Variants in SCHIP1 observed in about 807,000 individuals in gnomAD.
The protein encoded by SCHIP1 is schwannomin interacting protein 1, also known as schwannomin-interacting protein 1.
In SCHIP1, 8 loss-of-function variants were observed where a neutral mutation model predicts 29.7. The ratio of observed to expected loss-of-function variants is 0.27; its 90% CI spans 0.16 to 0.49. SCHIP1 has a LOEUF of 0.49. Among genes scored for constraint, SCHIP1 ranks in the 20% least tolerant of loss-of-function variants. SCHIP1 has a pLI of 0.99. For synonymous variants in SCHIP1, 76 were observed against 94.9 expected, an observed-to-expected ratio of 0.80 and a Z score of 1.16; for missense variants, 193 against 294.6, an observed-to-expected ratio of 0.66 and a Z score of 2.52.
At chr3:159,757,185 G>T in the SCHIP1 span, among the ~76,000 whole-genome samples, 1 of 152,186 alleles carries the variant, frequency 6.6e-6, no homozygotes, top group African/African-American at 2.4e-5. Flanking sequence ...ACATACCCAA[G>T]ACTGGGCAAT....
the SCHIP1 span, among the ~76,000 whole-genome samples, chr3:159,758,655 T>G: frequency 6.6e-6 from 1 of 152,352 alleles, no homozygotes; most frequent in South Asian, 2.1e-4. Context: ...ATGGAATTCT[T>G]GCAGAGATTC....
At chr3:159,394,381 C>T in the SCHIP1 span, among the ~76,000 whole-genome samples, 1 of 152,052 alleles carries the variant, frequency 6.6e-6, no homozygotes, top group Non-Finnish European at 1.5e-5. Context: ...GAGGGCATCC[C>T]TGTCTTGTGC....
chr3:159,888,235 G>T (rs1321521664), intron 4 of SCHIP1: 13 of 331,890 alleles, frequency 3.9e-5, no homozygotes, highest in Non-Finnish European at 6.7e-5. Context: ...ACTTACTATT[G>T]CTATAATTGT....
chr3:159,698,766 G>C, the SCHIP1 span, among the ~76,000 whole-genome samples: 1 of 152,040 alleles, frequency 6.6e-6, no homozygotes, highest in Non-Finnish European at 1.5e-5. Context: ...AGTCTCCCGA[G>C]TAGCTGGGAT....
At chr3:159,383,584 A>G in the SCHIP1 span, among the ~76,000 whole-genome samples, 26 of 146,652 alleles carry the variant, frequency 1.8e-4, no homozygotes, top group East Asian at 1.6e-3. Context: ...TTGACTTGGC[A>G]ATGCGGGCTC....
At chr3:159,593,730 G>A in the SCHIP1 span, among the ~76,000 whole-genome samples, 1 of 152,150 alleles carries the variant, frequency 6.6e-6, no homozygotes, top group Non-Finnish European at 1.5e-5. Context: ...AGAAGAAGGG[G>A]ACCATGTTTG....
chr3:159,550,527 C>T, the SCHIP1 span, among the ~76,000 whole-genome samples: 1 of 151,886 alleles, frequency 6.6e-6, no homozygotes, highest in Non-Finnish European at 1.5e-5. Context: ...GTCGAGTAGC[C>T]CAGCTTTCTT....
At chr3:159,363,257 A>G in the SCHIP1 span, among the ~76,000 whole-genome samples, 54,627 of 146,810 alleles carry the variant, frequency 0.37, 11,252 homozygotes, top group East Asian at 0.49. Context: ...TAAGTAAAGC[A>G]TTTTAATAAG....
the SCHIP1 span, among the ~76,000 whole-genome samples, chr3:159,567,667 C>A: frequency 7.2e-5 from 11 of 152,238 alleles, no homozygotes; most frequent in Non-Finnish European, 1.5e-4. Context: ...ATCTTAATTG[C>A]TATAGCTTTA....
the SCHIP1 span, among the ~76,000 whole-genome samples, chr3:159,633,079 G>A: frequency 6.6e-6 from 1 of 152,118 alleles, no homozygotes; most frequent in South Asian, 2.1e-4. Context: ...ACCACACCCT[G>A]AAATTCCACA....
At chr3:159,784,111 G>A in the SCHIP1 span, among the ~76,000 whole-genome samples, 13 of 152,194 alleles carry the variant, frequency 8.5e-5, no homozygotes, top group Admixed American at 1.3e-4. Flanking sequence ...GATAATTACC[G>A]TGTCAGAGCA....
At chr3:159,536,952 G>A in the SCHIP1 span, among the ~76,000 whole-genome samples, 4 of 152,058 alleles carry the variant, frequency 2.6e-5, no homozygotes, top group South Asian at 4.1e-4. Flanking sequence ...ATTATATTGC[G>A]GTTTATTGCT....
chr3:159,602,083 T>C, the SCHIP1 span, among the ~76,000 whole-genome samples: 1 of 152,198 alleles, frequency 6.6e-6, no homozygotes, highest in Non-Finnish European at 1.5e-5. Flanking sequence ...TTCATGTGGA[T>C]AGAGGAGCTC....
At chr3:159,642,673 A>G in the SCHIP1 span, among the ~76,000 whole-genome samples, 14 of 152,226 alleles carry the variant, frequency 9.2e-5, no homozygotes, top group South Asian at 2.9e-3. Flanking sequence ...CACATCCAAC[A>G]TCTGAGGATA....
chr3:159,747,084 C>G, the SCHIP1 span, among the ~76,000 whole-genome samples: 1 of 152,204 alleles, frequency 6.6e-6, no homozygotes, highest in Non-Finnish European at 1.5e-5. Context: ...GCTCTCTCTC[C>G]CCAGATATCC....
chr3:159,581,939 A>T, the SCHIP1 span, among the ~76,000 whole-genome samples: 1 of 152,132 alleles, frequency 6.6e-6, no homozygotes, highest in Non-Finnish European at 1.5e-5. Context: ...ATTGCTGAAG[A>T]GTTGAGGGGT....
the SCHIP1 span, among the ~76,000 whole-genome samples, chr3:159,453,808 G>A: frequency 6.6e-6 from 1 of 152,178 alleles, no homozygotes; most frequent in Non-Finnish European, 1.5e-5. Flanking sequence ...CTATCTTTAA[G>A]CTTTCAAGCC....
chr3:159,286,095 G>A, the SCHIP1 span, among the ~76,000 whole-genome samples: 1 of 146,524 alleles, frequency 6.8e-6, no homozygotes, highest in Admixed American at 7.0e-5. Context: ...AAATTCAGGG[G>A]TAAATGTGCA....
chr3:159,318,421 T>A, the SCHIP1 span, among the ~76,000 whole-genome samples: 39 of 152,314 alleles, frequency 2.6e-4, no homozygotes, highest in African/African-American at 9.1e-4. Context: ...ATATTTCTTC[T>A]TCCATGTAAA....
Sources: gnomAD v4.1 joint callset for allele counts (sites outside exome capture counted in the v4.1 genomes callset) on GRCh38, gnomAD v4.1.1 for gene constraint, MANE v1.5 for transcripts, NCBI Gene and HGNC (gene_info 2026-07-23, HGNC 2026-07-21) for gene names.